Variants in PPP1R21 observed in about 807,000 individuals in gnomAD.
PPP1R21 encodes the protein KLRAQ motif containing 1.
A neutral mutation model predicts 112.8 loss-of-function variants in PPP1R21; 85 were observed. The ratio of observed to expected loss-of-function variants is 0.75; its 90% CI spans 0.63 to 0.90. The LOEUF is 0.90. Ranked by LOEUF, PPP1R21 falls within the 40% of genes least tolerant of loss-of-function variation. The pLI, the probability that PPP1R21 is intolerant of heterozygous loss-of-function variation, is 0.00. For synonymous variants in PPP1R21, 381 were observed against 322.3 expected (o/e 1.18, Z -1.95); for missense variants, 1,199 against 901.5 (o/e 1.33, Z -4.23).
chr2:48,454,526 A>G (rs1349921408), intron 2 of PPP1R21, 69 bp from the exon 3 acceptor site: 2 of 1,559,964 alleles, frequency 1.3e-6, no homozygotes, highest in Non-Finnish European at 1.7e-6. Flanking sequence ...AAATAGAAAT[A>G]ATTTTTAATA....
chr2:48,483,943 C>G (rs1171323814), intron 13 of PPP1R21, among the ~76,000 whole-genome samples: 1 of 152,146 alleles, frequency 6.6e-6, no homozygotes, highest in Non-Finnish European at 1.5e-5. Context: ...CTGCTTCGGT[C>G]TCCCAAAGTG....
chr2:48,483,734 C>A (rs983582546), intron 13 of PPP1R21, among the ~76,000 whole-genome samples: 3 of 152,166 alleles, frequency 2.0e-5, no homozygotes, highest in Non-Finnish European at 4.4e-5. Context: ...GGTACCGCGC[C>A]TGGCCAAGAG....
chr2:48,511,232 G>T (rs79094296), intron 20 of PPP1R21, 108 bp from the exon 21 acceptor site: 100,041 of 1,062,790 alleles, frequency 0.094, 5,833 homozygotes, highest in Non-Finnish European at 0.11. Flanking sequence ...GTAAATTATT[G>T]GGAAACTATA....
At chr2:48,504,579 T>C (rs917661606) in intron 17 of PPP1R21, among the ~76,000 whole-genome samples, 1 of 152,130 alleles carries the variant, frequency 6.6e-6, no homozygotes, top group Non-Finnish European at 1.5e-5. Flanking sequence ...AGGTGGAGGT[T>C]GCAGTGAGCC....
rs771456468 is a variant in PPP1R21 at position 48,458,120 on chromosome 2, C to T, written c.274-6C>T. ...TTATGTGGACATAACTTATTCTTTC[C>T]ATCAGAAAAGTGGAGAATCTTCTTC... On this transcript the variant is annotated splice_polypyrimidine_tract_variant and splice_region_variant and intron_variant, in intron 3 of 21. Transcript: ENST00000294952. 6.3e-7 allele frequency: 1 copy of T among 1,591,806 alleles called. No individual in the cohort carries two copies.
chr2:48,497,162 T>C (rs971057593), intron 16 of PPP1R21, among the ~76,000 whole-genome samples: 1 of 152,170 alleles, frequency 6.6e-6, no homozygotes. Context: ...TCACAATCTG[T>C]GGGATCTCAC....
At chr2:48,470,150 A>G (rs1266994195) in intron 9 of PPP1R21, among the ~76,000 whole-genome samples, 1 of 152,234 alleles carries the variant, frequency 6.6e-6, no homozygotes, top group Non-Finnish European at 1.5e-5. Flanking sequence ...AAATGCCTAT[A>G]GGATTTTTTT....
rs1238069627 is a variant in PPP1R21 at position 48,495,764 on chromosome 2, C to T, written c.1685C>T (p.Ala562Val). ...LSSTESREGL[A>V]QQVQQSLEKI... ...TCTACTGAAAGTCGAGAAGGCCTTG[C>T]ACAGCAAGTATGGCACTGGGAAAAT... The change falls in exon 16 of 22, where the codon GCA (alanine) becomes GTA (valine). Residue 562 changes from alanine to valine, a missense_variant. By Grantham distance (64) the Ala-to-Val change is moderately conservative (BLOSUM62 0). Coordinates refer to ENST00000294952, the MANE Select transcript of PPP1R21 (RefSeq NM_001135629.3). 1.3e-6 allele frequency: 2 copies of T among 1,585,400 alleles called. No individual in the cohort carries two copies. The highest frequency in any genetic ancestry group is 1.3e-5 in the African/African-American group (1 of 74,354).
chr2:48,460,281 G>A, intron 6 of PPP1R21, 128 bp downstream of exon 6: 1 of 900,188 alleles, frequency 1.1e-6, no homozygotes, highest in Non-Finnish European at 1.7e-6. Flanking sequence ...AATCTACAGG[G>A]TCCTTTTCAA....
intron 1 of PPP1R21, among the ~76,000 whole-genome samples, chr2:48,448,575 G>A (rs911290613): frequency 1.3e-5 from 2 of 151,970 alleles, no homozygotes; most frequent in Non-Finnish European, 1.5e-5. Flanking sequence ...AGCTAAGGCA[G>A]GGGTATGAAA....
rs770948633 is a variant in PPP1R21 at position 48,454,691 on chromosome 2, C to T, written c.223C>T (p.Leu75=). 2 of 1,614,004 alleles carry T rather than the reference C, an allele frequency of 1.2e-6. No individual in the cohort carries two copies. The highest frequency in any genetic ancestry group is 1.7e-5 in the Admixed American group (1 of 60,006). The change falls in exon 3 of 22, where the codon CTA becomes TTA. Residue 75 remains leucine, a synonymous_variant. Coordinates refer to ENST00000294952, the MANE Select transcript of PPP1R21 (RefSeq NM_001135629.3). ...TCTGCAGCTTGCCAAGAGGGTAGAA[C>T]TACTTCAAGATGAACTAGCTCTAAG... The part of the protein sequence containing the change: ...RNLQLAKRVE[L]LQDELALSEP...
chr2:48,493,286 TG>T (rs575250824), intron 15 of PPP1R21, among the ~76,000 whole-genome samples: 44 of 152,330 alleles, frequency 2.9e-4, no homozygotes, highest in African/African-American at 9.6e-4. Context: ...ATTACAGGCG[TG>T]AGCCACTGCG....
chr2:48,463,457 T>G (rs4497915), intron 7 of PPP1R21, among the ~76,000 whole-genome samples: 82,762 of 151,794 alleles, frequency 0.55, 22,884 homozygotes, highest in Middle Eastern at 0.67. Context: ...AGGGTGTAGG[T>G]GGACACTAGA....
At chr2:48,492,258 G>C (rs901388722) in intron 15 of PPP1R21, among the ~76,000 whole-genome samples, 1 of 152,116 alleles carries the variant, frequency 6.6e-6, no homozygotes, top group Non-Finnish European at 1.5e-5. Flanking sequence ...CAGGCTCTTT[G>C]AGCATTTATA....
intron 11 of PPP1R21, among the ~76,000 whole-genome samples, chr2:48,474,314 C>A (rs766884926): frequency 6.6e-6 from 1 of 152,054 alleles, no homozygotes; most frequent in African/African-American, 2.4e-5. Flanking sequence ...ACCTGGGATG[C>A]GGAGGTTACA....
At chr2:48,499,214 G>A (rs563002029) in intron 17 of PPP1R21, among the ~76,000 whole-genome samples, 1 of 152,176 alleles carries the variant, frequency 6.6e-6, no homozygotes, top group African/African-American at 2.4e-5. Context: ...GTGTACTCTA[G>A]AAGAATGCTG....
chr2:48,511,740 C>G (rs571695844), intron 21 of PPP1R21, among the ~76,000 whole-genome samples: 3 of 151,462 alleles, frequency 2.0e-5, no homozygotes, highest in African/African-American at 7.3e-5. Flanking sequence ...GCATGAGGGC[C>G]TGTGCCTGTA....
intron 2 of PPP1R21, among the ~76,000 whole-genome samples, chr2:48,454,234 C>G (rs181448716): frequency 6.6e-6 from 1 of 151,922 alleles, no homozygotes; most frequent in Non-Finnish European, 1.5e-5. Flanking sequence ...GCACTCCAGC[C>G]TGGGCAATAG....
chr2:48,450,515 C>T (rs1667426530), intron 1 of PPP1R21, among the ~76,000 whole-genome samples: 1 of 152,204 alleles, frequency 6.6e-6, no homozygotes, highest in Admixed American at 6.5e-5. Context: ...ATGACATTTG[C>T]ATGTCTAATA....
Sources: allele counts gnomAD v4.1 joint callset (sites outside exome capture counted in the v4.1 genomes callset), GRCh38; gene constraint gnomAD v4.1.1; transcripts MANE v1.5; gene names NCBI Gene and HGNC (gene_info 2026-07-23, HGNC 2026-07-21).